SLC40A1: variants seen among roughly 807,000 people sequenced by gnomAD.
SLC40A1 encodes the protein ferroportin.
In SLC40A1, 16 loss-of-function variants were observed where a neutral mutation model predicts 53.5. That is an observed-to-expected ratio of 0.30 (90% CI 0.20 to 0.45). SLC40A1 has a LOEUF of 0.45. Among genes scored for constraint, SLC40A1 ranks in the 20% least tolerant of loss-of-function variants. The pLI is 1.00. For missense variants in SLC40A1, 545 were observed against 695.4 expected, an observed-to-expected ratio of 0.78 and a Z score of 2.43; for synonymous variants, 247 against 253.2, an observed-to-expected ratio of 0.98 and a Z score of 0.23.
rs2031176925 is a variant in SLC40A1 at position 189,572,920 on chromosome 2, G to A, written c.313C>T (p.Leu105=). ...SLVVQNVSVI[L]CGIILMMVFL... The stretch of plus-strand genomic sequence containing the variant: ...ACCATCATCAGGATGATTCCACACA[G>A]GATGACTGAAACATTCTGTACCACC... The change falls in exon 4 of 8, where the codon CTG becomes TTG. Residue 105 remains leucine, a synonymous_variant. Transcript: ENST00000261024. 6.2e-7 allele frequency: 1 copy of A among 1,613,828 alleles called. No homozygotes were observed.
At chr2:189,579,698 GATTT>G (rs1201610388) in intron 2 of SLC40A1, 111 bp downstream of exon 2, 16 of 906,258 alleles carry the variant, frequency 1.8e-5, no homozygotes, top group Admixed American at 3.6e-5. Context: ...GTACTTGGAT[GATTT>G]ATTTCTTTAA....
At chr2:189,572,818 G>A (rs1384316401) in intron 4 of SLC40A1, 28 bp downstream of exon 4, 2 of 1,474,320 alleles carry the variant, frequency 1.4e-6, no homozygotes, top group Admixed American at 3.4e-5. Flanking sequence ...TCAATTTTCT[G>A]CCATCAAGAA....
At chr2:189,564,332 T>G in intron 6 of SLC40A1, 107 bp from the exon 7 acceptor site, 4 of 856,558 alleles carry the variant, frequency 4.7e-6, no homozygotes, top group Non-Finnish European at 7.7e-6. Flanking sequence ...ATGGGTACCC[T>G]TGGTTAGACA....
intron 1 of SLC40A1, 127 bp from the exon 2 acceptor site, chr2:189,580,007 T>C (rs960349566): frequency 6.4e-6 from 6 of 936,158 alleles, no homozygotes; most frequent in Admixed American, 2.0e-5. Flanking sequence ...ACAAACCACG[T>C]ACATTTTATC....
At chr2:189,568,520 T>C (rs1289557550) in intron 5 of SLC40A1, among the ~76,000 whole-genome samples, 1 of 151,898 alleles carries the variant, frequency 6.6e-6, no homozygotes, top group Non-Finnish European at 1.5e-5. Context: ...ATCTTACTGG[T>C]AGCAGGCTAG....
chr2:189,574,327 T>A (rs957366169), intron 3 of SLC40A1, among the ~76,000 whole-genome samples: 1 of 152,220 alleles, frequency 6.6e-6, no homozygotes, highest in African/African-American at 2.4e-5. Flanking sequence ...TCTGGTCTAC[T>A]CATTCTAAAA....
rs1574237521 is a variant in SLC40A1 at position 189,564,074 on chromosome 2, G to A, written c.912C>T (p.Asn304=). The change falls in exon 7 of 8, where the codon AAC becomes AAT. Residue 304 remains asparagine, a synonymous_variant. Coordinates refer to ENST00000261024, the MANE Select transcript of SLC40A1 (RefSeq NM_014585.6). ...CCATGCCAGCCAGAAACACAGGCTG[G>A]TTGTAGTAGGAGACCCATCCATCTC... ...TFRDGWVSYY[N]QPVFLAGMGL... 4.3e-6 allele frequency: 7 copies of A among 1,611,906 alleles called. No individual in the cohort carries two copies. The highest frequency in any genetic ancestry group is 5.1e-6 in the Non-Finnish European group (6 of 1,178,416).
intron 1 of SLC40A1, 92 bp from the exon 2 acceptor site, chr2:189,579,972 T>C (rs2105636681): frequency 1.5e-6 from 2 of 1,298,414 alleles, no homozygotes; most frequent in Non-Finnish European, 2.2e-6. Flanking sequence ...CATTAGAACA[T>C]GATTATTAAA....
At chr2:189,573,413 A>G (rs1242746100) in intron 3 of SLC40A1, among the ~76,000 whole-genome samples, 1 of 152,262 alleles carries the variant, frequency 6.6e-6, no homozygotes, top group Non-Finnish European at 1.5e-5. Context: ...TTACCTAAAT[A>G]GAAAAGACAC....
At chr2:189,570,264 G>C (rs2031085876) in intron 5 of SLC40A1, among the ~76,000 whole-genome samples, 1 of 151,898 alleles carries the variant, frequency 6.6e-6, no homozygotes, top group African/African-American at 2.4e-5. Flanking sequence ...TTTATCTATA[G>C]CTGCTGCACA....
At chr2:189,568,765 G>A (rs1574241024) in intron 5 of SLC40A1, among the ~76,000 whole-genome samples, 1 of 152,058 alleles carries the variant, frequency 6.6e-6, no homozygotes, top group Non-Finnish European at 1.5e-5. Flanking sequence ...ATATGAAATC[G>A]ATTTTTAATC....
chr2:189,565,271 C>A, intron 6 of SLC40A1, 83 bp downstream of exon 6: 1 of 1,567,204 alleles, frequency 6.4e-7, no homozygotes, highest in Non-Finnish European at 8.8e-7. Flanking sequence ...AAACCTGATA[C>A]AAATTCAAAA....
In SLC40A1 at chr2:189,560,669, G is replaced by A. The variant is rs978760477; in HGVS notation, c.*1209C>T. ...TAGCAAATCATTATGTCATACTGTA[G>A]AAAGATGAAGCAAAGGATTAAACTC... On this transcript the variant is annotated 3_prime_UTR_variant, in exon 8 of 8. Transcript: ENST00000261024. 3.3e-5 allele frequency: 5 copies of A among 152,560 alleles called. No homozygotes were observed. Among genetic ancestry groups the A allele is most frequent in the African/African-American group, 1.2e-4 (5 of 41,434 alleles). 9.5% of individuals were successfully genotyped at this position (152,560 alleles called of 1,614,324 possible). A position where few individuals can be genotyped will look rare whatever the true frequency, so the allele number is the denominator to read the frequency against.
Position 189,563,768 on chromosome 2 carries a change from T to C in SLC40A1, c.1218A>G (p.Glu406=). The change falls in exon 7 of 8, where the codon GAA becomes GAG. Residue 406 remains glutamate (E), a synonymous_variant. Transcript: ENST00000261024. ...CTTGAATGAACCTTGATCGGATATC[T>C]TCAAAAGGAGAAACGGACAAGTCCA... ...SPLDLSVSPF[E]DIRSRFIQGE... 1 of 1,614,174 alleles carries C rather than the reference T, an allele frequency of 6.2e-7. No individual in the cohort carries two copies. The highest frequency in any genetic ancestry group is 1.1e-5 in the South Asian group (1 of 91,082).
intron 2 of SLC40A1, 88 bp from the exon 3 acceptor site, chr2:189,575,408 A>G: frequency 7.9e-7 from 1 of 1,259,062 alleles, no homozygotes; most frequent in Non-Finnish European, 1.2e-6. Context: ...TCAAAAGGGC[A>G]CTTCCTGGCT....
intron 4 of SLC40A1, 99 bp downstream of exon 4, chr2:189,572,747 C>G (rs1418309592): frequency 2.5e-6 from 2 of 805,416 alleles, no homozygotes; most frequent in Non-Finnish European, 4.3e-6. Flanking sequence ...ATTAAAAGGT[C>G]ACACTGGCCA....
chr2:189,564,352 G>C, intron 6 of SLC40A1, 127 bp from the exon 7 acceptor site: 2 of 704,054 alleles, frequency 2.8e-6, no homozygotes, highest in Non-Finnish European at 4.8e-6. Flanking sequence ...ATTGTAATAT[G>C]TATTTTCTTT....
At position 189,571,603 on chromosome 2, in the gene SLC40A1, A is replaced by G. The variant is rs1204052223; in HGVS notation, c.514+112T>C. 7 of 1,510,678 alleles carry G rather than the reference A, an allele frequency of 4.6e-6. No individual in the cohort carries two copies. In the Admixed American group the frequency reaches 6.1e-5, roughly 13 times the overall value. 93.6% of individuals were successfully genotyped at this position (1,510,678 alleles called of 1,614,324 possible). On this transcript the variant is annotated intron_variant, in intron 5 of 7. Coordinates refer to ENST00000261024, the MANE Select transcript of SLC40A1 (RefSeq NM_014585.6). ...AAAAAAAGTATGCTTTCAATTTATC[A>G]TTCTTAAAAAATACCCAGAACAAAA...
chr2:189,580,775 G>A lies in SLC40A1; in HGVS notation c.-315C>T. 1 of 1,265,096 alleles carries A rather than the reference G, an allele frequency of 7.9e-7. No individual in the cohort carries two copies. Among genetic ancestry groups the A allele is most frequent in the Non-Finnish European group, 1.0e-6 (1 of 992,176 alleles). The allele number at this position is 1,265,096 out of a possible 1,614,324, so 78.4% of individuals were successfully genotyped here. A position where few individuals can be genotyped will look rare whatever the true frequency, so the allele number is the denominator to read the frequency against. On this transcript the variant is annotated 5_prime_UTR_variant, in exon 1 of 8. Transcript: ENST00000261024. ...ACGCCCTGAGCCAGCTCTCTCCGCC[G>A]CCGCCGCCGCCGCCGTGGGCCGGGC...
Sources: allele counts gnomAD v4.1 joint callset (sites outside exome capture counted in the v4.1 genomes callset), GRCh38; gene constraint gnomAD v4.1.1; transcripts MANE v1.5; gene names NCBI Gene and HGNC (gene_info 2026-07-23, HGNC 2026-07-21).